Variants in ARFGEF1 observed in about 807,000 individuals in gnomAD.
ARFGEF1 encodes the protein brefeldin A-inhibited guanine nucleotide-exchange protein 1.
A neutral mutation model predicts 231.0 loss-of-function variants in ARFGEF1; 42 were observed. The observed-to-expected ratio is 0.18, with a 90% CI of 0.14 to 0.24. ARFGEF1 has a LOEUF of 0.24. ARFGEF1 is among the 10% of genes least tolerant of loss of function. The probability of loss-of-function intolerance (pLI) is 1.00; values close to 1 mark genes in which losing one functional copy is unlikely to be tolerated. For missense variants in ARFGEF1, 1,345 were observed against 2,192.0 expected (o/e 0.61, Z 7.72); for synonymous variants, 710 against 732.3 (o/e 0.97, Z 0.49).
intron 5 of ARFGEF1, among the ~76,000 whole-genome samples, chr8:67,178,231 A>C (rs1314049414): frequency 6.6e-6 from 1 of 152,178 alleles, no homozygotes; most frequent in Non-Finnish European, 1.5e-5. Context: ...CAGTAGTGGG[A>C]GTAGGAGTCT....
chr8:67,187,023 T>C (rs1190312320), intron 5 of ARFGEF1, among the ~76,000 whole-genome samples: 3 of 152,010 alleles, frequency 2.0e-5, no homozygotes, highest in African/African-American at 7.2e-5. Context: ...CTAATCTATC[T>C]ATCTAGAACT....
intron 1 of ARFGEF1, 101 bp from the exon 2 acceptor site, chr8:67,302,567 G>T: frequency 2.5e-6 from 2 of 810,258 alleles, no homozygotes; most frequent in East Asian, 2.8e-5. Flanking sequence ...TCTACAAAAA[G>T]TTGGAAAGAA....
At chr8:67,175,595 G>A (rs1831425158) in intron 5 of ARFGEF1, 1 of 804,324 alleles carries the variant, frequency 1.2e-6, no homozygotes, top group African/African-American at 1.7e-5. Context: ...AAAAGAACAA[G>A]TATGAGAGAG....
chr8:67,308,750 G>A (rs1471264714), intron 1 of ARFGEF1, among the ~76,000 whole-genome samples: 4 of 152,044 alleles, frequency 2.6e-5, no homozygotes, highest in Non-Finnish European at 1.5e-5. Flanking sequence ...TGAATGCAAG[G>A]AAATTTTTTT....
At chr8:67,253,164 C>T (rs1840351321) in intron 18 of ARFGEF1, among the ~76,000 whole-genome samples, 1 of 152,188 alleles carries the variant, frequency 6.6e-6, no homozygotes, top group Non-Finnish European at 1.5e-5. Flanking sequence ...TAATATTTCT[C>T]ATCAAAACAT....
downstream of ARFGEF1, among the ~76,000 whole-genome samples, chr8:67,196,761 T>A (rs998066318): frequency 1.3e-5 from 2 of 152,124 alleles, no homozygotes; most frequent in Admixed American, 6.6e-5. Flanking sequence ...ACTACAACAT[T>A]AAAATAATCA....
At chr8:67,248,057 A>G (rs1047888802) in intron 19 of ARFGEF1, among the ~76,000 whole-genome samples, 6 of 150,288 alleles carry the variant, frequency 4.0e-5, no homozygotes, top group African/African-American at 1.5e-4. Context: ...GATTAGAAGA[A>G]TCAATATTGC....
At chr8:67,286,519 G>C (rs1271967634) in intron 7 of ARFGEF1, among the ~76,000 whole-genome samples, 1 of 152,124 alleles carries the variant, frequency 6.6e-6, no homozygotes, top group African/African-American at 2.4e-5. Flanking sequence ...GGAGACCTCT[G>C]TAGGCAGTAT....
chr8:67,302,905 T>TAAAAA (rs1563902346), intron 1 of ARFGEF1, among the ~76,000 whole-genome samples: 5 of 100,254 alleles, frequency 5.0e-5, no homozygotes, highest in African/African-American at 1.5e-4. Flanking sequence ...ACCCCATCTC[T>TAAAAA]TAAAAAAAAA....
chr8:67,257,447 A>G (rs1466651920), intron 17 of ARFGEF1, among the ~76,000 whole-genome samples: 1 of 152,220 alleles, frequency 6.6e-6, no homozygotes, highest in African/African-American at 2.4e-5. Flanking sequence ...ACAAACTGAC[A>G]TAAGACCTAT....
chr8:67,279,048 G>A (rs917461086), intron 7 of ARFGEF1, among the ~76,000 whole-genome samples: 3 of 152,144 alleles, frequency 2.0e-5, no homozygotes, highest in Non-Finnish European at 2.9e-5. Flanking sequence ...AGGATCACTT[G>A]AGGTCAGGAG....
At chr8:67,294,269 C>T (rs1263779277) in intron 5 of ARFGEF1, among the ~76,000 whole-genome samples, 2 of 152,020 alleles carry the variant, frequency 1.3e-5, no homozygotes, top group Non-Finnish European at 2.9e-5. Context: ...GGAACCAATC[C>T]CCCATGAATA....
chr8:67,272,464 C>T (rs1404781413), intron 9 of ARFGEF1, among the ~76,000 whole-genome samples: 3 of 151,924 alleles, frequency 2.0e-5, no homozygotes. Flanking sequence ...CCGCGCCTGG[C>T]CCACAAACTT....
intron 7 of ARFGEF1, among the ~76,000 whole-genome samples, chr8:67,285,671 C>T (rs1587221458): frequency 6.6e-6 from 1 of 152,164 alleles, no homozygotes; most frequent in East Asian, 1.9e-4. Flanking sequence ...TCCAACCCTA[C>T]CACCAACGGG....
intron 18 of ARFGEF1, among the ~76,000 whole-genome samples, chr8:67,253,238 TAA>T (rs1840353573): frequency 6.6e-6 from 1 of 152,198 alleles, no homozygotes; most frequent in Non-Finnish European, 1.5e-5. Flanking sequence ...TCTTTTAAAT[TAA>T]AAAGTTTTTT....
intron 34 of ARFGEF1, among the ~76,000 whole-genome samples, chr8:67,210,581 G>C (rs557273173): frequency 2.6e-5 from 4 of 152,180 alleles, no homozygotes; most frequent in Non-Finnish European, 5.9e-5. Flanking sequence ...AGGCATGCTA[G>C]GCCCTACTTT....
downstream of ARFGEF1, chr8:67,175,265 A>C (rs1452472188): frequency 6.5e-7 from 1 of 1,534,186 alleles, no homozygotes; most frequent in African/African-American, 1.4e-5. Context: ...ACAACATTTA[A>C]CTTAGTTATA....
intron 1 of ARFGEF1, among the ~76,000 whole-genome samples, chr8:67,327,753 C>T (rs1023187982): frequency 9.2e-5 from 14 of 152,230 alleles, no homozygotes; most frequent in African/African-American, 3.4e-4. Flanking sequence ...TGTATACCTA[C>T]ACATATTTGT....
chr8:67,290,559 A>G (rs533063470), intron 6 of ARFGEF1, among the ~76,000 whole-genome samples: 43 of 152,338 alleles, frequency 2.8e-4, no homozygotes, highest in Non-Finnish European at 2.9e-5. Context: ...TCACACTAAA[A>G]GCAGTGGCTG....
Sources: allele counts gnomAD v4.1 joint callset (sites outside exome capture counted in the v4.1 genomes callset), GRCh38; gene constraint gnomAD v4.1.1; transcripts MANE v1.5; gene names NCBI Gene and HGNC (gene_info 2026-07-23, HGNC 2026-07-21).